The following BSCL2 variants were observed in gnomAD, a reference collection of about 807,000 sequenced individuals.
BSCL2 encodes BSCL2 lipid droplet biogenesis associated, seipin.
Under a neutral mutation model 57.4 loss-of-function variants are expected in BSCL2, and 41 were observed. The observed-to-expected ratio is 0.71, with a 90% confidence interval of 0.56 to 0.93. The LOEUF (loss-of-function observed/expected upper bound fraction) is 0.93. Among genes scored for constraint, BSCL2 ranks in the 40% least tolerant of loss-of-function variants. BSCL2 has a pLI of 0.00. For synonymous variants in BSCL2, 237 were observed against 227.3 expected (o/e 1.04, Z -0.38); for missense variants, 539 against 586.7 (o/e 0.92, Z 0.84).
At chr11:62,708,492 C>T (rs2134752640), upstream of BSCL2, 1 of 1,221,034 alleles carries the variant, frequency 8.2e-7, no homozygotes, top group South Asian at 1.2e-5. Flanking sequence ...TTCCTTCACT[C>T]CCTGAGGTCA....
chr11:62,705,827 C>A lies in BSCL2; in HGVS notation c.88-210G>T, dbSNP rs762631118. ...TGTTCCCTCCCGCCCAGTGCTAAAT[C>A]TCCTCAGTGGAATTCCTTCTCCAGT... On this transcript the variant is annotated intron_variant, in intron 1 of 10. Transcript: ENST00000360796. The A allele has an allele frequency of 1.9e-5, 11 of 579,460 alleles. 1 individual carries two copies. In the East Asian group the frequency reaches 3.1e-4, roughly 16 times the overall value. 35.9% of individuals were successfully genotyped at this position (579,460 alleles called of 1,614,324 possible).
rs750210178 is a variant in BSCL2, at chr11:62,691,270, C to A, written c.1005+10G>T. On this transcript the variant is annotated intron_variant, in intron 7 of 10. Coordinates refer to ENST00000360796, the MANE Select transcript of BSCL2 (RefSeq NM_001122955.4). Reference sequence around the variant, plus strand: ...CAAAGGGACAAAAGGGGGTCCTTGCCCCTTTCGACCTGCAAAGAGAAGCGG... The same window carrying A: ...CAAAGGGACAAAAGGGGGTCCTTGCACCTTTCGACCTGCAAAGAGAAGCGG... 1 of 1,614,176 alleles carries A rather than the reference C, an allele frequency of 6.2e-7. No homozygotes were observed. The highest frequency in any genetic ancestry group is 2.2e-5 in the East Asian group (1 of 44,882).
chr11:62,691,253 C>T (rs1219828023), intron 7 of BSCL2, 27 bp downstream of exon 7: 1 of 1,614,172 alleles, frequency 6.2e-7, no homozygotes, highest in East Asian at 2.2e-5. Flanking sequence ...ATCAAAGGGA[C>T]AAAAGGGGGT....
chr11:62,697,360 A>G (rs1380482152), intron 3 of BSCL2: 1 of 133,640 alleles, frequency 7.5e-6, no homozygotes, highest in African/African-American at 2.9e-5. Context: ...ATGTCACTGC[A>G]CTCCAGCCTG....
rs1945403499 is a variant in BSCL2, at chr11:62,694,668, T to C, written c.530A>G (p.Glu177Gly). ...GQPYRVTLELELPESPVNQDL... is the reference protein window; with the variant it reads ...GQPYRVTLELGLPESPVNQDL... Reference sequence around the variant, plus strand: ...TTGATTCACAGGGGACTCTGGCAGCTCAAGCTCTAAGGTAACACGATACGG... The same window carrying C: ...TTGATTCACAGGGGACTCTGGCAGCCCAAGCTCTAAGGTAACACGATACGG... Residue 177 changes from glutamate to glycine, a missense_variant, in exon 4 of 11, where the codon GAG becomes GGG. Physicochemically the swap from Glu to Gly is moderately conservative, Grantham distance 98 (BLOSUM62 -2). This residue lies in a region of BSCL2 where 218 missense variants were observed against 224.8 expected (regional missense o/e 0.97). Transcript: ENST00000360796. The C allele has an allele frequency of 6.2e-7, 1 of 1,614,010 alleles. No homozygotes were observed. The highest frequency in any genetic ancestry group is 8.5e-7 in the Non-Finnish European group (1 of 1,180,050).
At chr11:62,694,935 G>C (rs889074628) in intron 3 of BSCL2, among the ~76,000 whole-genome samples, 4 of 152,122 alleles carry the variant, frequency 2.6e-5, no homozygotes, top group African/African-American at 9.7e-5. Context: ...TGGCTCTCCT[G>C]AATCAGACTG....
intron 3 of BSCL2, 48 bp from the exon 4 acceptor site, chr11:62,694,759 ATGT>A: frequency 6.3e-7 from 1 of 1,592,928 alleles, no homozygotes; most frequent in Non-Finnish European, 8.6e-7. Context: ...TTTGTTGAAA[ATGT>A]ACTGTCTCTA....
At chr11:62,698,206 C>T (rs1314013232) in intron 3 of BSCL2, among the ~76,000 whole-genome samples, 1 of 140,568 alleles carries the variant, frequency 7.1e-6, no homozygotes, top group Non-Finnish European at 1.5e-5. Context: ...CGTGCCCGGC[C>T]TCTTCTTTTT....
intron 4 of BSCL2, among the ~76,000 whole-genome samples, chr11:62,694,338 G>A (rs1010202271): frequency 6.6e-6 from 1 of 150,734 alleles, no homozygotes; most frequent in African/African-American, 2.4e-5. Context: ...AGAGTAGCTG[G>A]GACTACAGCC....
intron 3 of BSCL2, among the ~76,000 whole-genome samples, chr11:62,697,925 T>C (rs1430413273): frequency 6.7e-6 from 1 of 149,958 alleles, no homozygotes; most frequent in African/African-American, 2.5e-5. Flanking sequence ...TTTTTTTTTT[T>C]GAGACGGAGT....
At chr11:62,706,285 G>T in intron 1 of BSCL2, 1 of 1,108,516 alleles carries the variant, frequency 9.0e-7, no homozygotes, top group Non-Finnish European at 1.1e-6. Context: ...CAGGGCAACC[G>T]TGAGACGGGA....
chr11:62,697,909 CTTTT>C (rs1193565203), intron 3 of BSCL2, among the ~76,000 whole-genome samples: 1 of 141,090 alleles, frequency 7.1e-6, no homozygotes, highest in Non-Finnish European at 1.6e-5. Context: ...AATCCACATC[CTTTT>C]TTTTTTTTTT....
At chr11:62,703,349 T>G (rs1392100319) in intron 2 of BSCL2, among the ~76,000 whole-genome samples, 2 of 12,284 alleles carry the variant, frequency 1.6e-4, no homozygotes, top group Non-Finnish European at 2.0e-4. Context: ...GCATATACGT[T>G]TTTTTTTTTT....
rs1245321041 is a variant in BSCL2, at chr11:62,691,412, T to C, written c.873A>G (p.Leu291=). 3 of 1,614,042 alleles carry C rather than the reference T, an allele frequency of 1.9e-6. No individual in the cohort carries two copies. The highest frequency in any genetic ancestry group is 2.2e-5 in the East Asian group (1 of 44,892). ...AGGCGCAGGTCATCGGGAAGTTGTA[T>C]AGCAGGTATCTGAGGCAGGAAGTAG... is the stretch of plus-strand genomic sequence containing the variant. ...HAHFTGLRYL[L]YNFPMTCAFI... The change falls in exon 7 of 11, where the codon CTA becomes CTG. Residue 291 remains leucine, a synonymous_variant. Coordinates refer to ENST00000360796, the MANE Select transcript of BSCL2 (RefSeq NM_001122955.4).
rs770600493 is a variant in BSCL2 at position 62,692,480 on chromosome 11, G to T, written c.766-7C>A. ...CTCCAGTGGTCGGCACGTACTGTGAGGGGGTGGGGTGAGGGTGGCGTCAGG... is the reference window on the plus strand; with the variant it reads ...CTCCAGTGGTCGGCACGTACTGTGATGGGGTGGGGTGAGGGTGGCGTCAGG... On this transcript the variant is annotated splice_polypyrimidine_tract_variant and splice_region_variant and intron_variant, in intron 5 of 10. Transcript: ENST00000360796. The T allele has an allele frequency of 6.2e-7, 1 of 1,613,704 alleles. No individual in the cohort carries two copies.
At position 62,703,246 on chromosome 11, in the gene BSCL2, G is replaced by A. The variant is rs375980260; in HGVS notation, c.405-697C>T. Among the ~76,000 whole-genome samples, 34 of 151,820 alleles carry A rather than the reference G, an allele frequency of 2.2e-4. No individual in the cohort carries two copies. In the South Asian group the frequency reaches 7.1e-3, roughly 32 times the overall value. ...CTAGTTTGAGAAAACGCCTCCAAAAGGATCTACAGATGGTTATTAAGAAGC... is the reference window on the plus strand; with the variant it reads ...CTAGTTTGAGAAAACGCCTCCAAAAAGATCTACAGATGGTTATTAAGAAGC... On this transcript the variant is annotated intron_variant, in intron 2 of 10. Transcript: ENST00000360796.
chr11:62,703,655 A>G (rs1400297715), intron 2 of BSCL2, among the ~76,000 whole-genome samples: 3 of 151,650 alleles, frequency 2.0e-5, no homozygotes, highest in African/African-American at 4.8e-5. Context: ...CCGGCCGTAT[A>G]TATGTTTTTA....
intron 3 of BSCL2, among the ~76,000 whole-genome samples, chr11:62,697,277 C>A (rs962346494): frequency 5.3e-5 from 8 of 151,080 alleles, no homozygotes; most frequent in Non-Finnish European, 7.4e-5. Flanking sequence ...CGCCTGTAGT[C>A]CCAGCTACTT....
At chr11:62,692,870 C>T in intron 4 of BSCL2, 73 bp from the exon 5 acceptor site, 1 of 1,599,490 alleles carries the variant, frequency 6.3e-7, no homozygotes, top group Non-Finnish European at 8.5e-7. Context: ...ACCCCTCAAC[C>T]ACCCCTGAGT....
Sources: allele counts gnomAD v4.1 joint callset (sites outside exome capture counted in the v4.1 genomes callset), GRCh38; gene constraint gnomAD v4.1.1; regional missense constraint gnomAD v4.1.1; transcripts MANE v1.5; gene names NCBI Gene and HGNC (gene_info 2026-07-23, HGNC 2026-07-21).